The following APOL6 variants were observed in gnomAD, a reference collection of about 807,000 sequenced individuals.
APOL6 encodes the protein apolipoprotein L, 6.
In APOL6, 1 loss-of-function variant was observed where a neutral mutation model predicts 2.4. That is an observed-to-expected ratio of 0.41 (90% CI 0.15 to 1.94). APOL6 has a LOEUF of 1.94. Ranked by LOEUF, APOL6 falls within the 30% of genes most tolerant of loss-of-function variation. The pLI is 0.30. For synonymous variants in APOL6, 189 were observed against 169.3 expected, an observed-to-expected ratio of 1.12 and a Z score of -0.90; for missense variants, 438 against 429.2, an observed-to-expected ratio of 1.02 and a Z score of -0.18.
chr22:35,659,486 A>T lies in APOL6; in HGVS notation c.922A>T (p.Thr308Ser). The change falls in exon 3 of 3, where the codon ACT (threonine) becomes TCT (serine). Residue 308 changes from threonine (T) to serine (S), a missense_variant. Thr to Ser is a moderately conservative substitution (Grantham distance 58). Transcript: ENST00000409652. ...SRARGVGKDLTGTCETEAYWK... is the reference protein window; with the variant it reads ...SRARGVGKDLSGTCETEAYWK... The stretch of plus-strand genomic sequence containing the variant: ...GGCCAGAGGGGTGGGGAAGGATTTA[A>T]CTGGGACCTGCGAAACCGAGGCTTA... The T allele has an allele frequency of 6.2e-7, 1 of 1,614,090 alleles. No individual in the cohort carries two copies. Among genetic ancestry groups the T allele is most frequent in the Non-Finnish European group, 8.5e-7 (1 of 1,179,992 alleles).
At chr22:35,656,586 C>T in intron 2 of APOL6, 111 bp downstream of exon 2, 1 of 1,251,052 alleles carries the variant, frequency 8.0e-7, no homozygotes, top group Non-Finnish European at 1.2e-6. Flanking sequence ...GTTAAGTGGG[C>T]CTTATCTTAC....
chr22:35,658,921 A>T lies in APOL6; in HGVS notation c.357A>T (p.Ala119=). The T allele has an allele frequency of 6.2e-7, 1 of 1,614,050 alleles. No homozygotes were observed. Among genetic ancestry groups the T allele is most frequent in the Non-Finnish European group, 8.5e-7 (1 of 1,180,030 alleles). ...LSTAGQGLAT[A]AGVTSIVSGT... ...CCGCTGGTCAAGGTTTGGCAACAGC[A>T]GCTGGGGTCACCAGCATCGTGAGTG... is the stretch of plus-strand genomic sequence containing the variant. Residue 119 remains alanine (A), a synonymous_variant, in exon 3 of 3, where the codon GCA becomes GCT. Transcript: ENST00000409652.
chr22:35,659,829 A>G lies in APOL6; in HGVS notation c.*233A>G, dbSNP rs985477734. On this transcript the variant is annotated 3_prime_UTR_variant, in exon 3 of 3. Transcript: ENST00000409652. The stretch of plus-strand genomic sequence containing the variant: ...TGCCCAGGCTGGAGTGCAGTGGCGT[A>G]ATCTCGGCTCACTGCAACCTCTGCC... 1.3e-5 allele frequency: 8 copies of G among 623,036 alleles called. No homozygotes were observed. The highest frequency in any genetic ancestry group is 3.7e-5 in the African/African-American group (2 of 54,404). 38.6% of individuals were successfully genotyped at this position (623,036 alleles called of 1,614,324 possible). A position where few individuals can be genotyped will look rare whatever the true frequency, so the allele number is the denominator to read the frequency against.
Position 35,659,308 on chromosome 22 carries a change from C to T in APOL6, c.744C>T (p.Asp248=). 1 of 1,614,168 alleles carries T rather than the reference C, an allele frequency of 6.2e-7. No homozygotes were observed. The highest frequency in any genetic ancestry group is 1.3e-5 in the African/African-American group (1 of 75,058). Residue 248 remains aspartate, a synonymous_variant, in exon 3 of 3, where the codon GAC becomes GAT. Coordinates refer to ENST00000409652, the MANE Select transcript of APOL6 (RefSeq NM_030641.4). ...TGTCCGCCTTCTCCCTTGGCTATGA[C>T]TTGGCCACTCTCTCAAAGGAATGGA... ...GVMSAFSLGY[D]LATLSKEWKH... is the part of the protein sequence containing the mutation.
intron 2 of APOL6, 93 bp from the exon 3 acceptor site, chr22:35,658,522 A>T (rs1924907705): frequency 8.9e-7 from 1 of 1,125,952 alleles, no homozygotes; most frequent in Non-Finnish European, 1.3e-6. Context: ...TACAGGGAGG[A>T]TTCGAAGCTG....
intron 1 of APOL6, among the ~76,000 whole-genome samples, chr22:35,653,516 A>G (rs1446750468): frequency 1.3e-5 from 2 of 152,132 alleles, no homozygotes; most frequent in Non-Finnish European, 2.9e-5. Flanking sequence ...CCCATTCAGT[A>G]TGATATTGGC....
At chr22:35,654,540 CTA>C (rs67523644) in intron 1 of APOL6, among the ~76,000 whole-genome samples, 23,543 of 146,562 alleles carry the variant, frequency 0.16, 2,699 homozygotes, top group African/African-American at 0.34. Context: ...CTCTCTCTCT[CTA>C]TATATATATA....
intron 1 of APOL6, among the ~76,000 whole-genome samples, chr22:35,653,638 G>A (rs1367086699): frequency 1.3e-5 from 2 of 152,164 alleles, no homozygotes; most frequent in African/African-American, 2.4e-5. Flanking sequence ...GGGCGTGTGC[G>A]AGAGAGGTGA....
At chr22:35,650,263 C>A (rs922395942) in intron 1 of APOL6, among the ~76,000 whole-genome samples, 5 of 152,182 alleles carry the variant, frequency 3.3e-5, no homozygotes, top group Non-Finnish European at 5.9e-5. Context: ...CATTCTTTTT[C>A]ATAGACTACC....
Position 35,660,759 on chromosome 22 carries a change from C to T in APOL6, c.*1163C>T, listed in dbSNP as rs1398964693. 1 of 152,312 alleles carries T rather than the reference C, an allele frequency of 6.6e-6. No homozygotes were observed. Among genetic ancestry groups the T allele is most frequent in the Non-Finnish European group, 1.5e-5 (1 of 68,072 alleles). 9.4% of individuals were successfully genotyped at this position (152,312 alleles called of 1,614,324 possible). On this transcript the variant is annotated 3_prime_UTR_variant, in exon 3 of 3. Transcript: ENST00000409652. ...TGGCAGAAGGGGCAAACAAGCCCCC[C>T]TGGGCCTCTTTTATAAAGGCACTAA... is the stretch of plus-strand genomic sequence containing the variant.
At chr22:35,656,748 T>C (rs1425861261) in intron 2 of APOL6, among the ~76,000 whole-genome samples, 2 of 152,218 alleles carry the variant, frequency 1.3e-5, no homozygotes, top group East Asian at 3.8e-4. Context: ...TGCTCCACTC[T>C]GGGGCCTCAT....
chr22:35,648,556 G>A lies in APOL6; in HGVS notation c.-115G>A, dbSNP rs532026039. 17 of 152,408 alleles carry A rather than the reference G, an allele frequency of 1.1e-4. No individual in the cohort carries two copies. Among genetic ancestry groups the A allele is most frequent in the Middle Eastern group, 3.4e-3 (1 of 296 alleles). The allele number at this position is 152,408 out of a possible 1,614,324, so 9.4% of individuals were successfully genotyped here. On this transcript the variant is annotated 5_prime_UTR_variant, in exon 1 of 3. Coordinates refer to ENST00000409652, the MANE Select transcript of APOL6 (RefSeq NM_030641.4). ...GACCAGGGGACCTCGGAGAGGCAAG[G>A]ACAGAGGTTCAGGATCTTCCTCTCC... is the stretch of plus-strand genomic sequence containing the variant.
rs150602926 is a variant in APOL6 at position 35,667,764 on chromosome 22, G to A, written c.*8168G>A. 1.6e-4 allele frequency: 25 copies of A among 152,296 alleles called. No individual in the cohort carries two copies. Among genetic ancestry groups the A allele is most frequent in the African/African-American group, 5.8e-4 (24 of 41,570 alleles). The allele number at this position is 152,296 out of a possible 1,614,324, so 9.4% of individuals were successfully genotyped here. A position where few individuals can be genotyped will look rare whatever the true frequency, so the allele number is the denominator to read the frequency against. Reference sequence around the variant, plus strand: ...GCACCTAAAGCTTTGGAGTTTTCCTGTGATTAGTGTTTTTGGTGTTGTTTT... The same window carrying A: ...GCACCTAAAGCTTTGGAGTTTTCCTATGATTAGTGTTTTTGGTGTTGTTTT... On this transcript the variant is annotated 3_prime_UTR_variant, in exon 3 of 3. Transcript: ENST00000409652.
Position 35,656,378 on chromosome 22 carries a change from G to GA in APOL6, c.-44dup. The GA allele has an allele frequency of 6.2e-7, 1 of 1,612,090 alleles. No individual in the cohort carries two copies. Among genetic ancestry groups the GA allele is most frequent in the Non-Finnish European group, 8.5e-7 (1 of 1,178,248 alleles). On this transcript the variant is annotated splice_region_variant and 5_prime_UTR_variant. Coordinates refer to ENST00000409652, the MANE Select transcript of APOL6 (RefSeq NM_030641.4). ...CGTTGTTTTTCTACATTCCTGACCA[G>GA]AAAATCATTTGACTCCTGGGGACAC...
chr22:35,656,534 A>G, intron 2 of APOL6, 59 bp downstream of exon 2: 2 of 1,588,694 alleles, frequency 1.3e-6, no homozygotes, highest in South Asian at 1.1e-5. Flanking sequence ...TGCTGCAGGC[A>G]TCCTCACGAT....
rs1925004847 is a variant in APOL6 at position 35,660,893 on chromosome 22, T to G, written c.*1297T>G. 6.6e-6 allele frequency: 1 copy of G among 152,218 alleles called. No homozygotes were observed. The highest frequency in any genetic ancestry group is 1.5e-5 in the Non-Finnish European group (1 of 68,044). 9.4% of individuals were successfully genotyped at this position (152,218 alleles called of 1,614,324 possible). On this transcript the variant is annotated 3_prime_UTR_variant, in exon 3 of 3. Coordinates refer to ENST00000409652, the MANE Select transcript of APOL6 (RefSeq NM_030641.4). The stretch of plus-strand genomic sequence containing the variant: ...AACTTCCTTTCTAGACCTTGAAGGT[T>G]TAAGAATTTGAATCTATAAAACAAG...
At chr22:35,655,329 G>T (rs1569134103) in intron 1 of APOL6, among the ~76,000 whole-genome samples, 1 of 152,092 alleles carries the variant, frequency 6.6e-6, no homozygotes, top group Non-Finnish European at 1.5e-5. Flanking sequence ...TCCATCTAAG[G>T]AATCACTTAC....
At chr22:35,654,039 G>C (rs1210204112) in intron 1 of APOL6, among the ~76,000 whole-genome samples, 1 of 152,184 alleles carries the variant, frequency 6.6e-6, no homozygotes, top group Non-Finnish European at 1.5e-5. Context: ...TTATTATAAA[G>C]GATCCAACTC....
At chr22:35,651,308 C>T (rs998909470) in intron 1 of APOL6, among the ~76,000 whole-genome samples, 28 of 152,134 alleles carry the variant, frequency 1.8e-4, no homozygotes, top group African/African-American at 6.5e-4. Flanking sequence ...CCTTTTGCAG[C>T]CTCGGTGGCT....
Sources: gnomAD v4.1 joint callset for allele counts (sites outside exome capture counted in the v4.1 genomes callset) on GRCh38, gnomAD v4.1.1 for gene constraint, MANE v1.5 for transcripts, NCBI Gene and HGNC (gene_info 2026-07-23, HGNC 2026-07-21) for gene names.